The following KAT2B variants were observed in gnomAD, a reference collection of about 807,000 sequenced individuals.
KAT2B encodes lysine acetyltransferase 2B.
Under a neutral mutation model 105.9 loss-of-function variants are expected in KAT2B, and 36 were observed. The ratio of observed to expected loss-of-function variants is 0.34; its 90% CI spans 0.26 to 0.45. The LOEUF is 0.45. Ranked by LOEUF, KAT2B falls within the 20% of genes least tolerant of loss-of-function variation. The probability of loss-of-function intolerance (pLI) is 1.00; values close to 1 mark genes in which losing one functional copy is unlikely to be tolerated. For missense variants in KAT2B, 820 were observed against 1,021.6 expected (o/e 0.80, Z 2.69); for synonymous variants, 397 against 377.9 (o/e 1.05, Z -0.59).
chr3:20,142,888 T>TGC (rs1020434152), intron 13 of KAT2B, among the ~76,000 whole-genome samples: 13 of 138,212 alleles, frequency 9.4e-5, no homozygotes, highest in South Asian at 7.4e-4. Flanking sequence ...TATGTGCCTG[T>TGC]GTGTGTGTGT....
Position 20,152,525 on chromosome 3 carries a change from A to AT in KAT2B, c.*8dup, listed in dbSNP as rs750062124. On this transcript the variant is annotated 3_prime_UTR_variant, in exon 18 of 18. Coordinates refer to ENST00000263754, the MANE Select transcript of KAT2B (RefSeq NM_003884.5). The stretch of plus-strand genomic sequence containing the variant: ...AGGAAGCTGGATTAATTGACAAGTG[A>AT]TTTTTTTTCCCCTCTGCTTCTTAGA... 6.4e-5 allele frequency: 103 copies of AT among 1,610,364 alleles called. No homozygotes were observed. The Middle Eastern group carries it at 1.3e-3, about 21-fold the overall frequency.
At chr3:20,137,801 C>T (rs967676197) in intron 12 of KAT2B, among the ~76,000 whole-genome samples, 4 of 152,164 alleles carry the variant, frequency 2.6e-5, no homozygotes, top group African/African-American at 7.2e-5. Context: ...GGATTATAGG[C>T]GTGAGCCACC....
In KAT2B at chr3:20,119,584, T is replaced by G. The variant is rs756192781; in HGVS notation, c.1151-14T>G. 1.5e-5 allele frequency: 24 copies of G among 1,613,634 alleles called. No individual in the cohort carries two copies. In the South Asian group the frequency reaches 2.6e-4, roughly 18 times the overall value. ...TCAGTCATCTAACACCTTCTTCTCC[T>G]TTTGCCGGGGCAGTTATCAATCCAC... On this transcript the variant is annotated splice_polypyrimidine_tract_variant and intron_variant, in intron 7 of 17. Coordinates refer to ENST00000263754, the MANE Select transcript of KAT2B (RefSeq NM_003884.5).
At chr3:20,095,734 G>A (rs867079430) in intron 3 of KAT2B, among the ~76,000 whole-genome samples, 7 of 152,344 alleles carry the variant, frequency 4.6e-5, no homozygotes, top group Middle Eastern at 6.8e-3. Context: ...GGATAGAACA[G>A]TGGACAAAAC....
intron 9 of KAT2B, among the ~76,000 whole-genome samples, chr3:20,125,565 A>T (rs779420979): frequency 2.0e-5 from 3 of 152,250 alleles, no homozygotes; most frequent in Non-Finnish European, 4.4e-5. Context: ...AAGAAGGAGT[A>T]GTTGTGACAA....
At chr3:20,118,480 G>A (rs1575144159) in intron 7 of KAT2B, among the ~76,000 whole-genome samples, 1 of 149,538 alleles carries the variant, frequency 6.7e-6, no homozygotes, top group East Asian at 1.9e-4. Flanking sequence ...ACTATGGGAG[G>A]CTTAGGTGGG....
chr3:20,111,360 T>C (rs1163439561), intron 5 of KAT2B, among the ~76,000 whole-genome samples: 6 of 152,180 alleles, frequency 3.9e-5, no homozygotes, highest in Non-Finnish European at 8.8e-5. Flanking sequence ...ATTCCAGGAC[T>C]CACTGTATGA....
intron 1 of KAT2B, among the ~76,000 whole-genome samples, chr3:20,057,939 C>T (rs1049643250): frequency 1.3e-5 from 2 of 152,152 alleles, no homozygotes; most frequent in African/African-American, 4.8e-5. Context: ...GGATTTCTTC[C>T]AGACAGGGAT....
intron 2 of KAT2B, among the ~76,000 whole-genome samples, chr3:20,094,089 A>G (rs1180688969): frequency 1.3e-5 from 2 of 152,194 alleles, no homozygotes; most frequent in Non-Finnish European, 2.9e-5. Flanking sequence ...CTGAGACTGT[A>G]TTAGTTCATT....
At chr3:20,051,961 A>G (rs1449552941) in intron 1 of KAT2B, among the ~76,000 whole-genome samples, 5 of 152,258 alleles carry the variant, frequency 3.3e-5, no homozygotes, top group African/African-American at 1.2e-4. Flanking sequence ...ATTTCTGCTC[A>G]GGTACCTCCT....
rs751179221 is a variant in KAT2B at position 20,101,377 on chromosome 3, C to T, written c.760C>T (p.Arg254Cys). 37 of 1,613,834 alleles carry T rather than the reference C, an allele frequency of 2.3e-5. No homozygotes were observed. Among genetic ancestry groups the T allele is most frequent in the Middle Eastern group, 3.3e-4 (2 of 6,084 alleles). ...IVELAKMFLN[R>C]INYWHLEAPS... is the part of the protein sequence containing the mutation. ...TGAGTTGGCAAAAATGTTCCTAAAC[C>T]GCATCAACTATTGGCATCTGGAGGC... Residue 254 changes from arginine (R) to cysteine (C), a missense_variant, in exon 5 of 18, where the codon CGC (arginine) becomes TGC (cysteine). Physicochemically the swap from Arg to Cys is radical, Grantham distance 180. Around this residue, in one of 6 missense-constraint regions of KAT2B, gnomAD observed 173 missense variants for 249.5 expected, o/e 0.69. Coordinates refer to ENST00000263754, the MANE Select transcript of KAT2B (RefSeq NM_003884.5).
intron 3 of KAT2B, among the ~76,000 whole-genome samples, chr3:20,096,857 G>A (rs1292934547): frequency 6.6e-6 from 1 of 151,894 alleles, no homozygotes; most frequent in African/African-American, 2.4e-5. Flanking sequence ...TTTTTTGGGT[G>A]GTTAGGAGAT....
intron 5 of KAT2B, among the ~76,000 whole-genome samples, chr3:20,105,684 C>T (rs1698987912): frequency 6.6e-6 from 1 of 151,606 alleles, no homozygotes; most frequent in South Asian, 2.1e-4. Context: ...GTGGTCCCAG[C>T]GACTCTGGAG....
rs556660985 is a variant in KAT2B at position 20,091,679 on chromosome 3, G to A, written c.431-3584G>A. On this transcript the variant is annotated intron_variant, in intron 2 of 17. Transcript: ENST00000263754. The stretch of plus-strand genomic sequence containing the variant: ...CTTTTGCTGCATTTTGTAAGTTTTG[G>A]TATATTGTATTTCCACTTCTGTTTG... Among the ~76,000 whole-genome samples, 6 of 152,062 alleles carry A rather than the reference G, an allele frequency of 3.9e-5. No individual in the cohort carries two copies. The South Asian group carries it at 8.3e-4, about 21-fold the overall frequency.
At chr3:20,113,275 T>C (rs1347245195) in intron 6 of KAT2B, among the ~76,000 whole-genome samples, 3 of 152,248 alleles carry the variant, frequency 2.0e-5, no homozygotes, top group Non-Finnish European at 2.9e-5. Context: ...ACATTTGCCA[T>C]ATAAGCAGCA....
chr3:20,074,146 C>A (rs9846240), intron 2 of KAT2B, among the ~76,000 whole-genome samples: 17,555 of 152,118 alleles, frequency 0.12, 1,459 homozygotes, highest in African/African-American at 0.24. Flanking sequence ...GAAATTTAAT[C>A]TGTGTGTAAA....
chr3:20,108,099 TGC>T (rs1699055525), intron 5 of KAT2B, among the ~76,000 whole-genome samples: 1 of 152,188 alleles, frequency 6.6e-6, no homozygotes, highest in Non-Finnish European at 1.5e-5. Context: ...TGTGAGCCAC[TGC>T]ACCCGGCCAA....
rs545200019 is a variant in KAT2B at position 20,106,190 on chromosome 3, G to A, written c.851+4722G>A. On this transcript the variant is annotated intron_variant, in intron 5 of 17. Coordinates refer to ENST00000263754, the MANE Select transcript of KAT2B (RefSeq NM_003884.5). Reference sequence around the variant, plus strand: ...AAGTTACAAATCATCATCATGATGTGAAAAATCTGGGAGTTATTTGAACAG... The same window carrying A: ...AAGTTACAAATCATCATCATGATGTAAAAAATCTGGGAGTTATTTGAACAG... Among the ~76,000 whole-genome samples, 15 of 152,308 alleles carry A rather than the reference G, an allele frequency of 9.8e-5. No homozygotes were observed. In the South Asian group the frequency reaches 3.1e-3, roughly 32 times the overall value.
intron 9 of KAT2B, among the ~76,000 whole-genome samples, chr3:20,123,823 T>A (rs1028773194): frequency 6.6e-5 from 10 of 152,190 alleles, no homozygotes; most frequent in African/African-American, 2.4e-4. Context: ...GTTGATTGTT[T>A]ACTAAGGATT....
Sources: gnomAD v4.1 joint callset for allele counts (sites outside exome capture counted in the v4.1 genomes callset) on GRCh38, gnomAD v4.1.1 for gene constraint, gnomAD v4.1.1 regional missense constraint, MANE v1.5 for transcripts, NCBI Gene and HGNC (gene_info 2026-07-23, HGNC 2026-07-21) for gene names.